ZBTB20: variants seen among roughly 807,000 people sequenced by gnomAD.
ZBTB20 encodes zinc finger and BTB domain-containing protein 20.
Under a neutral mutation model 56.9 loss-of-function variants are expected in ZBTB20, and 9 were observed. The ratio of observed to expected loss-of-function variants is 0.16; its 90% CI spans 0.10 to 0.28. ZBTB20 has a LOEUF of 0.28. ZBTB20 is among the 10% of genes least tolerant of loss of function. The probability of loss-of-function intolerance (pLI) is 1.00; values close to 1 mark genes in which losing one functional copy is unlikely to be tolerated. For missense variants in ZBTB20, 655 were observed against 1,003.0 expected (o/e 0.65, Z 4.69); for synonymous variants, 417 against 420.7 (o/e 0.99, Z 0.11).
intron 4 of ZBTB20, among the ~76,000 whole-genome samples, chr3:114,870,544 C>A (rs576951352): frequency 4.0e-5 from 6 of 151,380 alleles, no homozygotes; most frequent in Non-Finnish European, 8.8e-5. Context: ...AAATTCTGAG[C>A]CTTGCTTCAG....
intron 2 of ZBTB20, among the ~76,000 whole-genome samples, chr3:114,983,208 C>A (rs539677390): frequency 1.1e-4 from 16 of 151,982 alleles, no homozygotes; most frequent in Middle Eastern, 3.4e-3. Context: ...ATGTGTCATG[C>A]AATGTTCATG....
chr3:114,464,982 T>A (rs1172129075), intron 7 of ZBTB20, among the ~76,000 whole-genome samples: 6 of 152,118 alleles, frequency 3.9e-5, no homozygotes, highest in Admixed American at 3.9e-4. Flanking sequence ...CCCTTCGTTT[T>A]TCCTTCTCCC....
intron 6 of ZBTB20, among the ~76,000 whole-genome samples, chr3:114,554,003 A>G (rs1357288610): frequency 6.6e-6 from 1 of 152,206 alleles, no homozygotes; most frequent in African/African-American, 2.4e-5. Context: ...CCAAATTGTA[A>G]TATCATATAG....
intron 2 of ZBTB20, among the ~76,000 whole-genome samples, chr3:114,982,725 T>C (rs1283460089): frequency 6.6e-6 from 1 of 152,070 alleles, no homozygotes; most frequent in Non-Finnish European, 1.5e-5. Flanking sequence ...TTTAGTTACA[T>C]ATGTATACAT....
intron 2 of ZBTB20, among the ~76,000 whole-genome samples, chr3:114,978,917 T>C (rs546345152): frequency 1.3e-5 from 2 of 152,066 alleles, no homozygotes; most frequent in East Asian, 3.9e-4. Flanking sequence ...TTCCTGAATG[T>C]TAAGAAAGAC....
At chr3:115,109,059 T>C (rs1193944521) in intron 1 of ZBTB20, among the ~76,000 whole-genome samples, 1 of 152,136 alleles carries the variant, frequency 6.6e-6, no homozygotes, top group African/African-American at 2.4e-5. Context: ...AATATAAAAA[T>C]GTTATTTGTA....
At position 114,817,440 on chromosome 3, in the gene ZBTB20, C is replaced by A. The variant is rs566188715; in HGVS notation, c.-416-16266G>T. 1.5e-4 allele frequency among the ~76,000 whole-genome samples: 23 copies of A among 151,964 alleles called. No individual in the cohort carries two copies. In the South Asian group the frequency reaches 4.8e-3, roughly 32 times the overall value. On this transcript the variant is annotated intron_variant, in intron 4 of 11. Transcript: ENST00000675478. Reference sequence around the variant, plus strand: ...AGCTGAGGCAGGAGAATCACTTGAACCTGGGAGGCGGAGGTTGCGGTGAGC... The same window carrying A: ...AGCTGAGGCAGGAGAATCACTTGAAACTGGGAGGCGGAGGTTGCGGTGAGC...
At chr3:115,113,157 T>C (rs2083926443) in intron 1 of ZBTB20, among the ~76,000 whole-genome samples, 2 of 152,342 alleles carry the variant, frequency 1.3e-5, no homozygotes, top group East Asian at 3.9e-4. Flanking sequence ...TTTTTACTGT[T>C]GAGTTGTTTG....
In ZBTB20 at chr3:114,593,384, C is replaced by CTT. The variant is rs201568736; in HGVS notation, c.-294-92995_-294-92994dup. On this transcript the variant is annotated intron_variant, in intron 6 of 11. Coordinates refer to ENST00000675478, the MANE Select transcript of ZBTB20 (RefSeq NM_001348800.3). ...AGATTTTTTTGTTCTTTTTTCTTTT[C>CTT]TTTTTTTTTTTTTTTTTGAGACGGA... is the stretch of plus-strand genomic sequence containing the variant. Among the ~76,000 whole-genome samples, 651 of 133,466 alleles carry CTT rather than the reference C, an allele frequency of 4.9e-3. 3 individuals carry two copies. The highest frequency in any genetic ancestry group is 0.016 in the African/African-American group (583 of 35,724). 87.6% of individuals were successfully genotyped at this position (133,466 alleles called of 152,430 possible). A position where few individuals can be genotyped will look rare whatever the true frequency, so the allele number is the denominator to read the frequency against.
rs1242019639 is a variant in ZBTB20 at position 114,380,775 on chromosome 3, A to G, written c.11+2T>C. ...CTGGAAAAATACTAGTGGAAGTTTT[A>G]CCGTTCTAGCATTTGTCAGGAAGCT... On this transcript the variant is annotated splice_donor_variant, in intron 9 of 11. Coordinates refer to ENST00000675478, the MANE Select transcript of ZBTB20 (RefSeq NM_001348800.3). LOFTEE classifies it high-confidence loss of function. 1.2e-5 allele frequency: 18 copies of G among 1,509,272 alleles called. No homozygotes were observed. Among genetic ancestry groups the G allele is most frequent in the Non-Finnish European group, 1.5e-5 (17 of 1,137,234 alleles). The allele number at this position is 1,509,272 out of a possible 1,614,324, so 93.5% of individuals were successfully genotyped here.
intron 1 of ZBTB20, among the ~76,000 whole-genome samples, chr3:115,134,125 T>C (rs755422981): frequency 5.9e-5 from 9 of 152,228 alleles, no homozygotes; most frequent in Non-Finnish European, 1.2e-4. Context: ...CCCTCTTCCT[T>C]AATAACAAAG....
intron 2 of ZBTB20, among the ~76,000 whole-genome samples, chr3:115,048,953 T>C (rs1381013050): frequency 1.3e-5 from 2 of 152,098 alleles, no homozygotes; most frequent in Non-Finnish European, 2.9e-5. Context: ...TACTTGAACC[T>C]CCAAACTTAC....
chr3:114,748,319 T>TTTCTTTC (rs2067241185), intron 5 of ZBTB20, among the ~76,000 whole-genome samples: 5 of 130,586 alleles, frequency 3.8e-5, no homozygotes, highest in Non-Finnish European at 4.9e-5. Flanking sequence ...TCTTTCTTTC[T>TTTCTTTC]TTCTTTCTTT....
chr3:114,846,852 C>A (rs969074226), intron 4 of ZBTB20, among the ~76,000 whole-genome samples: 2 of 152,070 alleles, frequency 1.3e-5, no homozygotes, highest in Non-Finnish European at 2.9e-5. Flanking sequence ...GAAAATGACT[C>A]CACCATAAGT....
At chr3:114,400,164 G>A (rs2086690885) in intron 7 of ZBTB20, among the ~76,000 whole-genome samples, 1 of 152,070 alleles carries the variant, frequency 6.6e-6, no homozygotes, top group Non-Finnish European at 1.5e-5. Flanking sequence ...TTGTCTTCCT[G>A]GATCTGGTAA....
At chr3:115,077,135 T>A (rs192756824) in intron 1 of ZBTB20, among the ~76,000 whole-genome samples, 57 of 152,058 alleles carry the variant, frequency 3.7e-4, no homozygotes, top group Admixed American at 1.1e-3. Flanking sequence ...CTGATATATC[T>A]GATAAGGGGT....
chr3:114,766,496 T>TGC (rs2068803116), intron 5 of ZBTB20, among the ~76,000 whole-genome samples: 1 of 144,404 alleles, frequency 6.9e-6, no homozygotes, highest in South Asian at 2.2e-4. Context: ...GAAATGTGTG[T>TGC]GTGTGTGTGT....
chr3:114,882,168 G>T (rs1223872479), intron 4 of ZBTB20, among the ~76,000 whole-genome samples: 1 of 151,674 alleles, frequency 6.6e-6, no homozygotes, highest in African/African-American at 2.4e-5. Flanking sequence ...TCACAAAAAA[G>T]TAAACAAAAA....
At chr3:114,709,140 C>G (rs2063892540) in intron 5 of ZBTB20, among the ~76,000 whole-genome samples, 1 of 152,014 alleles carries the variant, frequency 6.6e-6, no homozygotes, top group Non-Finnish European at 1.5e-5. Flanking sequence ...TCTTAGGTTC[C>G]TGCTTAGAAA....
Sources: allele counts gnomAD v4.1 joint callset (sites outside exome capture counted in the v4.1 genomes callset), GRCh38; gene constraint gnomAD v4.1.1; transcripts MANE v1.5; gene names NCBI Gene and HGNC (gene_info 2026-07-23, HGNC 2026-07-21).